Variants in GALNT13 observed in about 807,000 individuals in gnomAD.
GALNT13 encodes the protein UDP-GalNAc:polypeptide N-acetylgalactosaminyltransferase 13.
In GALNT13, 28 loss-of-function variants were observed where a neutral mutation model predicts 64.2. The observed-to-expected ratio is 0.44, with a 90% CI of 0.32 to 0.60. GALNT13 has a LOEUF of 0.60. GALNT13 is among the 20% of genes least tolerant of loss of function. GALNT13 has a pLI of 0.05. For missense variants in GALNT13, 577 were observed against 669.8 expected (o/e 0.86, Z 1.53); for synonymous variants, 214 against 224.6 (o/e 0.95, Z 0.42).
At chr2:153,807,775 A>G in the GALNT13 span, among the ~76,000 whole-genome samples, 1 of 151,958 alleles carries the variant, frequency 6.6e-6, no homozygotes, top group Non-Finnish European at 1.5e-5. Flanking sequence ...AGACGCTGGG[A>G]TTATTGTCTT....
At chr2:154,025,547 G>GT (rs11388460) in intron 3 of GALNT13, among the ~76,000 whole-genome samples, 116,513 of 152,078 alleles carry the variant, frequency 0.77, 45,027 homozygotes, top group East Asian at 0.96. Flanking sequence ...CGAAGGCATG[G>GT]TTTTATTCAG....
At chr2:153,608,645 T>G in the GALNT13 span, among the ~76,000 whole-genome samples, 1 of 148,016 alleles carries the variant, frequency 6.8e-6, no homozygotes, top group Non-Finnish European at 1.5e-5. Context: ...TTCATACATA[T>G]ATATAGACAA....
At chr2:153,771,749 G>T in the GALNT13 span, among the ~76,000 whole-genome samples, 3 of 152,126 alleles carry the variant, frequency 2.0e-5, no homozygotes, top group Non-Finnish European at 4.4e-5. Context: ...GGACTCCAGT[G>T]CCCCAAAATC....
chr2:154,059,429 G>C (rs978396011), intron 3 of GALNT13, among the ~76,000 whole-genome samples: 11 of 152,122 alleles, frequency 7.2e-5, no homozygotes, highest in Admixed American at 2.0e-4. Flanking sequence ...CAATATAAAG[G>C]CTTGATCAGA....
the GALNT13 span, among the ~76,000 whole-genome samples, chr2:153,412,342 T>C: frequency 3.9e-5 from 6 of 152,332 alleles, no homozygotes; most frequent in Middle Eastern, 3.4e-3. Context: ...AGTTAGCCTC[T>C]TTGAGGCTCA....
At chr2:153,261,775 A>T in the GALNT13 span, among the ~76,000 whole-genome samples, 2 of 151,946 alleles carry the variant, frequency 1.3e-5, no homozygotes, top group South Asian at 2.1e-4. Context: ...AAGCCATGAG[A>T]CAAAGTCCTT....
the GALNT13 span, among the ~76,000 whole-genome samples, chr2:153,072,361 T>C: frequency 6.6e-6 from 1 of 152,180 alleles, no homozygotes; most frequent in Non-Finnish European, 1.5e-5. Context: ...CTAAGAGCCC[T>C]GACCATTCTC....
chr2:153,939,561 G>A (rs930569416), intron 2 of GALNT13, among the ~76,000 whole-genome samples: 1 of 152,150 alleles, frequency 6.6e-6, no homozygotes, highest in African/African-American at 2.4e-5. Context: ...AACCTTGTGT[G>A]ACTCATACCA....
chr2:153,818,233 G>C, the GALNT13 span, among the ~76,000 whole-genome samples: 1 of 152,164 alleles, frequency 6.6e-6, no homozygotes, highest in African/African-American at 2.4e-5. Context: ...ACTCCGGATT[G>C]ACAAAGAAAG....
At chr2:153,441,114 T>C in the GALNT13 span, among the ~76,000 whole-genome samples, 5 of 152,334 alleles carry the variant, frequency 3.3e-5, no homozygotes, top group South Asian at 1.0e-3. Context: ...TATCTTAAGT[T>C]AATTTTTGTA....
chr2:154,080,807 T>A (rs541913302), intron 3 of GALNT13, among the ~76,000 whole-genome samples: 1 of 151,822 alleles, frequency 6.6e-6, no homozygotes, highest in Admixed American at 6.6e-5. Flanking sequence ...AGCTAAAGTA[T>A]GTCACCATCA....
At chr2:153,404,462 C>T in the GALNT13 span, among the ~76,000 whole-genome samples, 1 of 151,876 alleles carries the variant, frequency 6.6e-6, no homozygotes, top group African/African-American at 2.4e-5. Flanking sequence ...ATTTCCTGTT[C>T]TTTGCTGTTA....
At chr2:154,065,227 A>G (rs1004039388) in intron 3 of GALNT13, among the ~76,000 whole-genome samples, 1 of 152,046 alleles carries the variant, frequency 6.6e-6, no homozygotes, top group Non-Finnish European at 1.5e-5. Flanking sequence ...ACAGCACCAC[A>G]TAGATTTCTA....
chr2:154,226,359 C>G (rs563907178), intron 4 of GALNT13, among the ~76,000 whole-genome samples: 36 of 152,224 alleles, frequency 2.4e-4, no homozygotes, highest in African/African-American at 8.7e-4. Context: ...AGTATCACTT[C>G]TCTTGCATTC....
the GALNT13 span, among the ~76,000 whole-genome samples, chr2:153,763,670 A>G: frequency 9.8e-5 from 15 of 152,288 alleles, no homozygotes; most frequent in Admixed American, 2.0e-4. Context: ...TAGCAGCGTG[A>G]GAACAGACTA....
chr2:153,924,134 T>C (rs571572756), intron 2 of GALNT13, among the ~76,000 whole-genome samples: 1 of 152,272 alleles, frequency 6.6e-6, no homozygotes, highest in Admixed American at 6.5e-5. Context: ...CATTGTGGTT[T>C]GCTGCACAGA....
chr2:153,557,972 T>C, the GALNT13 span, among the ~76,000 whole-genome samples: 1 of 152,176 alleles, frequency 6.6e-6, no homozygotes, highest in Admixed American at 6.5e-5. Context: ...AAAGCCTTTC[T>C]TGACCCTGCC....
At position 153,996,146 on chromosome 2, in the gene GALNT13, G is replaced by T. The variant is rs765507827; in HGVS notation, c.142+51507G>T. Reference sequence around the variant, plus strand: ...GTGCTGCAATAAACATGAGAATGCAGTTATCTCTTCAGCATACTGATTTCA... The same window carrying T: ...GTGCTGCAATAAACATGAGAATGCATTTATCTCTTCAGCATACTGATTTCA... On this transcript the variant is annotated intron_variant, in intron 3 of 12. Transcript: ENST00000392825. Among the ~76,000 whole-genome samples, 151 of 152,170 alleles carry T rather than the reference G, an allele frequency of 9.9e-4. 2 individuals are homozygous for T. Among genetic ancestry groups the T allele is most frequent in the Non-Finnish European group, 2.9e-4 (20 of 68,002 alleles).
chr2:153,827,640 A>C, the GALNT13 span, among the ~76,000 whole-genome samples: 8 of 151,994 alleles, frequency 5.3e-5, no homozygotes, highest in African/African-American at 1.7e-4. Flanking sequence ...AAAAAAAAAA[A>C]AAACGATTTG....
Sources: allele counts gnomAD v4.1 joint callset (sites outside exome capture counted in the v4.1 genomes callset), GRCh38; gene constraint gnomAD v4.1.1; transcripts MANE v1.5; gene names NCBI Gene and HGNC (gene_info 2026-07-23, HGNC 2026-07-21).